Variants in CCT6B observed in about 807,000 individuals in gnomAD.
CCT6B encodes chaperonin containing TCP1 subunit 6B, also known as probable T-complex protein 1 subunit zeta-2.
CCT6B carries 49 observed loss-of-function variants against 61.5 expected under a neutral mutation model. That is an observed-to-expected ratio of 0.80 (90% CI 0.63 to 1.01). The LOEUF (loss-of-function observed/expected upper bound fraction) is 1.01. Ranked by LOEUF, CCT6B falls within the 50% of genes least tolerant of loss-of-function variation. The pLI is 0.00. For synonymous variants in CCT6B, 228 were observed against 214.5 expected (o/e 1.06, Z -0.55); for missense variants, 666 against 634.7 (o/e 1.05, Z -0.53).
intron 2 of CCT6B, 147 bp from the exon 3 acceptor site, chr17:34,958,841 C>A: frequency 1.9e-6 from 1 of 527,394 alleles, no homozygotes; most frequent in Middle Eastern, 4.1e-4. Flanking sequence ...ATTATCAATA[C>A]CTAAATGTCA....
intron 10 of CCT6B, among the ~76,000 whole-genome samples, chr17:34,936,973 T>C (rs1047236552): frequency 1.3e-5 from 2 of 151,982 alleles, no homozygotes; most frequent in Non-Finnish European, 1.5e-5. Flanking sequence ...GGTAACAACA[T>C]AATGAGACGT....
chr17:34,932,661 G>T (rs1171316613), intron 10 of CCT6B, among the ~76,000 whole-genome samples, 161 bp from the exon 11 acceptor site: 1 of 152,204 alleles, frequency 6.6e-6, no homozygotes, highest in Admixed American at 6.5e-5. Context: ...GAAACATCCT[G>T]AAGTTATATG....
chr17:34,941,038 G>GC (rs1041641223), intron 7 of CCT6B, among the ~76,000 whole-genome samples: 3 of 152,058 alleles, frequency 2.0e-5, no homozygotes, highest in Non-Finnish European at 4.4e-5. Flanking sequence ...AGAAAATCTG[G>GC]CCCCACACAG....
At chr17:34,951,908 A>C (rs1374589790) in intron 5 of CCT6B, 42 bp downstream of exon 5, 2 of 927,850 alleles carry the variant, frequency 2.2e-6, no homozygotes, top group South Asian at 1.7e-5. Context: ...TATCTTTAAA[A>C]AATTCTAGAA....
Position 34,939,193 on chromosome 17 carries a change from G to A in CCT6B, c.1203C>T (p.Ala401=). The change falls in exon 10 of 14, where the codon GCC becomes GCT. Residue 401 remains alanine, a synonymous_variant. Transcript: ENST00000314144. ...CAAGAAAGAGCTTACCATCTTCAAT[G>A]GCATTTTTGATAGCACGAAGTCCAT... ...IRDGLRAIKN[A]IEDGCMVPGA... 1 of 1,613,424 alleles carries A rather than the reference G, an allele frequency of 6.2e-7. No homozygotes were observed. Among genetic ancestry groups the A allele is most frequent in the Non-Finnish European group, 8.5e-7 (1 of 1,179,710 alleles).
intron 10 of CCT6B, among the ~76,000 whole-genome samples, chr17:34,932,751 A>G (rs1050088844): frequency 6.6e-6 from 1 of 152,104 alleles, no homozygotes; most frequent in Non-Finnish European, 1.5e-5. Flanking sequence ...AAACAAGAAT[A>G]ATTTATTTTT....
intron 8 of CCT6B, among the ~76,000 whole-genome samples, chr17:34,940,220 T>C (rs566618329): frequency 6.6e-6 from 1 of 152,274 alleles, no homozygotes; most frequent in East Asian, 1.9e-4. Context: ...CATTCTACTA[T>C]CTACTTCTAT....
intron 12 of CCT6B, among the ~76,000 whole-genome samples, chr17:34,930,458 G>A (rs2090023056): frequency 6.6e-6 from 1 of 151,846 alleles, no homozygotes; most frequent in African/African-American, 2.4e-5. Flanking sequence ...TCTTTCCCTA[G>A]AACACTTAAC....
chr17:34,959,596 G>C lies in CCT6B; in HGVS notation c.192C>G (p.Leu64=), dbSNP rs747517292. Residue 64 remains leucine (L), a synonymous_variant, in exon 2 of 14, where the codon CTC becomes CTG. Transcript: ENST00000314144. ...AGCAGCATCAGCTCACCATCTCATC[G>C]AGCAGCACATTGCCATCTTTGGTGA... ...IKLTKDGNVL[L]DEMQIQHPTA... 1.9e-6 allele frequency: 3 copies of C among 1,611,352 alleles called. No individual in the cohort carries two copies. Among genetic ancestry groups the C allele is most frequent in the African/African-American group, 2.7e-5 (2 of 74,826 alleles).
intron 5 of CCT6B, among the ~76,000 whole-genome samples, chr17:34,948,114 G>C (rs1415646269): frequency 6.6e-6 from 1 of 151,878 alleles, no homozygotes; most frequent in East Asian, 1.9e-4. Context: ...AAGTTCTTTA[G>C]TGGTGATTTC....
At chr17:34,938,730 A>C (rs1194405337) in intron 10 of CCT6B, among the ~76,000 whole-genome samples, 1 of 152,016 alleles carries the variant, frequency 6.6e-6, no homozygotes, top group African/African-American at 2.4e-5. Context: ...GCCAGTTTCA[A>C]AACCTGGTCT....
intron 5 of CCT6B, among the ~76,000 whole-genome samples, chr17:34,946,349 G>A (rs2090223745): frequency 6.6e-6 from 1 of 151,960 alleles, no homozygotes; most frequent in Non-Finnish European, 1.5e-5. Flanking sequence ...ACACCAGAAA[G>A]GGACAAGTCA....
rs796329342 is a variant in CCT6B at position 34,950,702 on chromosome 17, G to A, written c.614+1248C>T. Among the ~76,000 whole-genome samples, 7 of 152,240 alleles carry A rather than the reference G, an allele frequency of 4.6e-5. No individual in the cohort carries two copies. The East Asian group carries it at 5.8e-4, about 13-fold the overall frequency. ...TCCCAGCACTTTGGAAGGCCGAGGC[G>A]GGTGGATCACAAGGTGAGGAGTTCG... is the stretch of plus-strand genomic sequence containing the variant. On this transcript the variant is annotated intron_variant, in intron 5 of 13. Coordinates refer to ENST00000314144, the MANE Select transcript of CCT6B (RefSeq NM_006584.4).
intron 10 of CCT6B, among the ~76,000 whole-genome samples, chr17:34,935,249 G>A (rs2090080885): frequency 6.6e-6 from 1 of 152,120 alleles, no homozygotes; most frequent in Admixed American, 6.5e-5. Flanking sequence ...CTGGGGAGGT[G>A]GGTAGGGAAT....
At chr17:34,955,806 T>C (rs1426020578) in intron 3 of CCT6B, among the ~76,000 whole-genome samples, 3 of 152,140 alleles carry the variant, frequency 2.0e-5, no homozygotes, top group Non-Finnish European at 4.4e-5. Flanking sequence ...GTGGGTATTA[T>C]TATTATTATT....
intron 4 of CCT6B, 24 bp from the exon 5 acceptor site, chr17:34,952,077 A>G: frequency 1.4e-6 from 2 of 1,414,174 alleles, no homozygotes; most frequent in Non-Finnish European, 2.0e-6. Flanking sequence ...GAATGAGAAC[A>G]GTTAAGTTAT....
Position 34,939,160 on chromosome 17 carries a change from A to G in CCT6B, c.1213+23T>C, listed in dbSNP as rs763825683. On this transcript the variant is annotated intron_variant, in intron 10 of 13. Coordinates refer to ENST00000314144, the MANE Select transcript of CCT6B (RefSeq NM_006584.4). ...ATACACACATATACATGAGGTTCAT[A>G]TCAATCACAAGAAAGAGCTTACCAT... 4.4e-6 allele frequency: 7 copies of G among 1,603,192 alleles called. No homozygotes were observed. The African/African-American group carries it at 9.4e-5, about 21-fold the overall frequency.
At position 34,940,613 on chromosome 17, in the gene CCT6B, A is replaced by G. The variant is rs766539535; in HGVS notation, c.894T>C (p.Asp298=). 3.2e-5 allele frequency: 48 copies of G among 1,503,158 alleles called. No individual in the cohort carries two copies. Among genetic ancestry groups the G allele is most frequent in the Non-Finnish European group, 4.3e-5 (47 of 1,092,978 alleles). 93.1% of individuals were successfully genotyped at this position (1,503,158 alleles called of 1,614,324 possible). Residue 298 remains aspartate, a synonymous_variant, in exon 8 of 14, where the codon GAT becomes GAC. Transcript: ENST00000314144. ...GFVVINQKGI[D]PFSLDSLAKH... ...TTGCAAGAGAATCTAAGGAAAATGGATCAATTCCCTATAATCAAATTAACA... is the reference window on the plus strand; with the variant it reads ...TTGCAAGAGAATCTAAGGAAAATGGGTCAATTCCCTATAATCAAATTAACA...
chr17:34,955,774 A>G (rs2090341349), intron 3 of CCT6B, among the ~76,000 whole-genome samples: 1 of 152,266 alleles, frequency 6.6e-6, no homozygotes, highest in East Asian at 1.9e-4. Flanking sequence ...CAAGTTATTT[A>G]ATTCTCTAGC....
Sources: gnomAD v4.1 joint callset for allele counts (sites outside exome capture counted in the v4.1 genomes callset) on GRCh38, gnomAD v4.1.1 for gene constraint, MANE v1.5 for transcripts, NCBI Gene and HGNC (gene_info 2026-07-23, HGNC 2026-07-21) for gene names.